The following FBXL13 variants were observed in gnomAD, a reference collection of about 807,000 sequenced individuals.
The protein encoded by FBXL13 is F-box and leucine rich repeat protein 13.
In FBXL13, 67 loss-of-function variants were observed where a neutral mutation model predicts 83.6. The ratio of observed to expected loss-of-function variants is 0.80; its 90% CI spans 0.66 to 0.98. The LOEUF is 0.98. Among genes scored for constraint, FBXL13 ranks in the 50% least tolerant of loss-of-function variants. FBXL13 has a pLI of 0.00. For synonymous variants in FBXL13, 272 were observed against 299.5 expected, an observed-to-expected ratio of 0.91 and a Z score of 0.95; for missense variants, 822 against 866.5, an observed-to-expected ratio of 0.95 and a Z score of 0.64.
chr7:102,944,362 C>CA (rs1822057354), intron 8 of FBXL13: 1 of 1,614,054 alleles, frequency 6.2e-7, no homozygotes, highest in Admixed American at 1.7e-5. Flanking sequence ...CATTCACTAC[C>CA]TCTACTACTG....
intron 6 of FBXL13, chr7:102,976,026 C>T (rs1473276596): frequency 1.3e-6 from 1 of 766,456 alleles, no homozygotes; most frequent in African/African-American, 1.7e-5. Context: ...ACCCACGAGG[C>T]CATGCCCCCT....
At chr7:102,948,920 C>T (rs1460808491) in intron 8 of FBXL13, among the ~76,000 whole-genome samples, 1 of 152,024 alleles carries the variant, frequency 6.6e-6, no homozygotes, top group Non-Finnish European at 1.5e-5. Context: ...CCATGTTGGC[C>T]AGGCTGGGCT....
At chr7:102,934,967 C>T (rs1820003773) in intron 8 of FBXL13, among the ~76,000 whole-genome samples, 2 of 152,158 alleles carry the variant, frequency 1.3e-5, no homozygotes, top group Admixed American at 1.3e-4. Flanking sequence ...GTAAGGAATT[C>T]CTTTCATCTT....
chr7:102,906,593 T>C (rs1173773437), intron 11 of FBXL13, among the ~76,000 whole-genome samples: 1 of 152,212 alleles, frequency 6.6e-6, no homozygotes, highest in African/African-American at 2.4e-5. Context: ...TCCCTCATGT[T>C]TGAAGGATAT....
intron 8 of FBXL13, among the ~76,000 whole-genome samples, chr7:102,940,124 C>A (rs1283858089): frequency 2.0e-5 from 3 of 151,896 alleles, no homozygotes; most frequent in Admixed American, 6.6e-5. Flanking sequence ...AAACTCCTGA[C>A]CTCAGGTGAT....
rs1347670110 is a variant in FBXL13 at position 102,944,731 on chromosome 7, CTTTAA to C, written c.725-12803_725-12799del. 4.8e-6 allele frequency: 4 copies of C among 828,778 alleles called. No homozygotes were observed. In the African/African-American group the frequency reaches 6.9e-5, roughly 14 times the overall value. The allele number at this position is 828,778 out of a possible 1,614,324, so 51.3% of individuals were successfully genotyped here. On this transcript the variant is annotated intron_variant, in intron 8 of 19. Transcript: ENST00000313221. ...GGGTAATCCAGCTAAAGGAAGCTTT[CTTTAA>C]TTATAAGTATTATTGTGACTATTAT...
At chr7:103,025,173 C>T (rs61749912) in exon 6 of FBXL13, 9 of 1,608,100 alleles carry the variant, frequency 5.6e-6, no homozygotes, top group Non-Finnish European at 7.7e-6. Flanking sequence ...TCTGCAGCAG[C>T]TCTTTTGAGT....
At chr7:103,005,780 G>A (rs961602603) in intron 6 of FBXL13, among the ~76,000 whole-genome samples, 7 of 152,014 alleles carry the variant, frequency 4.6e-5, no homozygotes, top group African/African-American at 7.3e-5. Context: ...TTGAGGACCA[G>A]GGATTCAACA....
intron 8 of FBXL13, chr7:102,934,038 C>A: frequency 6.2e-7 from 1 of 1,614,090 alleles, no homozygotes; most frequent in Non-Finnish European, 8.5e-7. Flanking sequence ...CGGAGAGGCT[C>A]CAACCCGGTC....
chr7:102,973,651 C>T (rs1301875694), intron 6 of FBXL13: 7 of 766,364 alleles, frequency 9.1e-6, no homozygotes, highest in Non-Finnish European at 1.2e-5. Flanking sequence ...CTCCGGTCTT[C>T]GTCCCCCGTG....
At chr7:102,868,607 C>T (rs909326860) in intron 16 of FBXL13, among the ~76,000 whole-genome samples, 9 of 152,142 alleles carry the variant, frequency 5.9e-5, no homozygotes, top group Admixed American at 2.6e-4. Context: ...GCAGTGCACA[C>T]GGGAGTACAG....
At chr7:103,052,571 T>C (rs991497039) in intron 2 of FBXL13, among the ~76,000 whole-genome samples, 2 of 152,200 alleles carry the variant, frequency 1.3e-5, no homozygotes, top group Non-Finnish European at 1.5e-5. Flanking sequence ...TGTCTAACCT[T>C]AACAAATATT....
intron 10 of FBXL13, among the ~76,000 whole-genome samples, chr7:102,923,113 GT>G (rs1453270563): frequency 6.6e-6 from 1 of 152,198 alleles, no homozygotes; most frequent in African/African-American, 2.4e-5. Flanking sequence ...AAATCTGCTT[GT>G]CAATGATGTG....
At position 102,934,044 on chromosome 7, in the gene FBXL13, C is replaced by A. The variant is rs747092240; in HGVS notation, c.725-2111G>T. On this transcript the variant is annotated intron_variant, in intron 8 of 19. Coordinates refer to ENST00000313221, the Ensembl canonical transcript of FBXL13. ...GGTGGAGGCCGGAGAGGCTCCAACC[C>A]GGTCAAACGCTACGCACCAGGCCTC... 1.9e-6 allele frequency: 3 copies of A among 1,614,034 alleles called. No individual in the cohort carries two copies. The Admixed American group carries it at 5.0e-5, about 27-fold the overall frequency.
intron 17 of FBXL13, among the ~76,000 whole-genome samples, chr7:102,833,569 G>A (rs1163035936): frequency 6.6e-6 from 1 of 150,858 alleles, no homozygotes; most frequent in Non-Finnish European, 1.5e-5. Context: ...TGGGACTACA[G>A]GCGTGCACCA....
At chr7:102,888,165 T>G (rs1242559500) in intron 11 of FBXL13, among the ~76,000 whole-genome samples, 2 of 152,178 alleles carry the variant, frequency 1.3e-5, no homozygotes, top group Non-Finnish European at 2.9e-5. Context: ...GTTGGACAAC[T>G]ATGAGGGGAT....
chr7:102,983,341 C>G (rs548431610), intron 6 of FBXL13, among the ~76,000 whole-genome samples: 1 of 151,814 alleles, frequency 6.6e-6, no homozygotes, highest in African/African-American at 2.4e-5. Context: ...GTTAGAGGCT[C>G]AATGTCCTCA....
intron 6 of FBXL13, chr7:102,976,085 A>G (rs771364462): frequency 2.6e-6 from 2 of 766,116 alleles, no homozygotes; most frequent in Non-Finnish European, 4.8e-6. Context: ...CCCTGCAAGG[A>G]CCACCCCCAT....
At chr7:102,933,281 A>G (rs1819578254) in intron 8 of FBXL13, 2 of 150,190 alleles carry the variant, frequency 1.3e-5, no homozygotes, top group African/African-American at 2.4e-5. Flanking sequence ...AAAAGGATAG[A>G]AAAAAAAAAG....
Sources: gnomAD v4.1 joint callset for allele counts (sites outside exome capture counted in the v4.1 genomes callset) on GRCh38, gnomAD v4.1.1 for gene constraint, MANE v1.5 for transcripts, NCBI Gene and HGNC (gene_info 2026-07-23, HGNC 2026-07-21) for gene names.